Variants in TXNIP observed in about 807,000 individuals in gnomAD.
The protein encoded by TXNIP is thioredoxin interacting protein.
A neutral mutation model predicts 43.9 loss-of-function variants in TXNIP; 23 were observed. The observed-to-expected ratio is 0.52, with a 90% CI of 0.38 to 0.74. The LOEUF is 0.74. Among genes scored for constraint, TXNIP ranks in the 30% least tolerant of loss-of-function variants. TXNIP has a pLI of 0.00. For missense variants in TXNIP, 555 were observed against 485.4 expected (o/e 1.14, Z -1.35); for synonymous variants, 234 against 172.2 (o/e 1.36, Z -2.81).
At chr1:145,993,913 TTCAGG>T in intron 7 of TXNIP, 27 bp from the exon 8 acceptor site, 2 of 1,614,128 alleles carry the variant, frequency 1.2e-6, no homozygotes, top group Non-Finnish European at 1.7e-6. Flanking sequence ...ACTATTTCAG[TTCAGG>T]TAAGAACAAA....
chr1:145,995,621 A>G (rs1288638392), intron 1 of TXNIP, 145 bp from the exon 2 acceptor site: 2 of 777,064 alleles, frequency 2.6e-6, no homozygotes, highest in African/African-American at 1.8e-5. Context: ...TCCATCCCAT[A>G]TTGTTCTTAA....
Position 145,994,362 on chromosome 1 carries a change from T to G in TXNIP, c.907A>C (p.Ser303Arg). ...CTGGCCATGCTGGATGTTCTGCTGC[T>G]TAGACCTGATCTGCTGCCAATTACC... ...PLVIGSRSGLSSRTSSMASRT... is the reference protein window; with the variant it reads ...PLVIGSRSGLRSRTSSMASRT... Residue 303 changes from serine (S) to arginine (R), a missense_variant, in exon 6 of 8, where the codon AGC (serine) becomes CGC (arginine). Ser to Arg is a moderately radical substitution (Grantham distance 110, BLOSUM62 -1). Transcript: ENST00000582401. The G allele has an allele frequency of 1.2e-6, 2 of 1,614,220 alleles. No individual in the cohort carries two copies. Among genetic ancestry groups the G allele is most frequent in the Non-Finnish European group, 1.7e-6 (2 of 1,180,030 alleles).
intron 3 of TXNIP, 28 bp from the exon 4 acceptor site, chr1:145,995,059 T>C (rs1651412260): frequency 6.2e-7 from 1 of 1,613,480 alleles, no homozygotes; most frequent in African/African-American, 1.3e-5. Flanking sequence ...AAAAGGTGTT[T>C]TGAGATGCTT....
chr1:145,996,075 T>A lies in TXNIP; in HGVS notation c.192A>T (p.Lys64Asn). 1 of 1,614,096 alleles carries A rather than the reference T, an allele frequency of 6.2e-7. No homozygotes were observed. Among genetic ancestry groups the A allele is most frequent in the Non-Finnish European group, 8.5e-7 (1 of 1,180,026 alleles). ...VLWMQGSQQC[K>N]QTSEYLRYED... ...CATAGCGCAGGTACTCCGAAGTCTGTTTGCACTGCTGGGATCCCTGCATCC... is the reference window on the plus strand; with the variant it reads ...CATAGCGCAGGTACTCCGAAGTCTGATTGCACTGCTGGGATCCCTGCATCC... The change falls in exon 1 of 8, where the codon AAA becomes AAT. Residue 64 changes from lysine to asparagine, a missense_variant. By Grantham distance (94) the Lys-to-Asn change is moderately conservative. Coordinates refer to ENST00000582401, the MANE Select transcript of TXNIP (RefSeq NM_006472.6).
In TXNIP at chr1:145,995,481, A is replaced by G. The variant is rs782468081; in HGVS notation, c.251-5T>C. The G allele has an allele frequency of 6.2e-7, 1 of 1,614,086 alleles. No homozygotes were observed. The highest frequency in any genetic ancestry group is 8.5e-7 in the Non-Finnish European group (1 of 1,179,938). On this transcript the variant is annotated splice_polypyrimidine_tract_variant and splice_region_variant and intron_variant, in intron 1 of 7. Coordinates refer to ENST00000582401, the MANE Select transcript of TXNIP (RefSeq NM_006472.6). ...TGATCACCATCTCATTCTCACCTGAAGGGAAAGAAAATCGAGTAGCCATTA... is the reference window on the plus strand; with the variant it reads ...TGATCACCATCTCATTCTCACCTGAGGGGAAAGAAAATCGAGTAGCCATTA...
At position 145,993,820 on chromosome 1, in the gene TXNIP, T is replaced by C; in HGVS notation, c.*31A>G. On this transcript the variant is annotated 3_prime_UTR_variant, in exon 8 of 8. Coordinates refer to ENST00000582401, the MANE Select transcript of TXNIP (RefSeq NM_006472.6). ...AGGAAGAGAGACAAAAAGAAACAAGTAGGTAAAGCTGCTTCTTTTCTTCCA... is the reference window on the plus strand; with the variant it reads ...AGGAAGAGAGACAAAAAGAAACAAGCAGGTAAAGCTGCTTCTTTTCTTCCA... The C allele has an allele frequency of 1.2e-6, 2 of 1,613,534 alleles. No homozygotes were observed. Among genetic ancestry groups the C allele is most frequent in the Non-Finnish European group, 1.7e-6 (2 of 1,179,652 alleles).
rs937550222 is a variant in TXNIP at position 145,994,745 on chromosome 1, G to A, written c.630C>T (p.Val210=). Reference sequence around the variant, plus strand: ...GGCGGGCCACAATGGCAGCTTTGGGGACCACAATTCGGGAACATGTATTCT... The same window carrying A: ...GGCGGGCCACAATGGCAGCTTTGGGAACCACAATTCGGGAACATGTATTCT... ...DFENTCSRIV[V]PKAAIVARHT... is the part of the protein sequence containing the mutation. The change falls in exon 5 of 8, where the codon GTC becomes GTT. Residue 210 remains valine (V), a synonymous_variant. Transcript: ENST00000582401. The A allele has an allele frequency of 6.2e-7, 1 of 1,614,218 alleles. No homozygotes were observed. The highest frequency in any genetic ancestry group is 2.2e-5 in the East Asian group (1 of 44,884).
In TXNIP at chr1:145,993,527, C is replaced by G. The variant is rs1651282099; in HGVS notation, c.*324G>C. ...CCTTGAAAAGCTTACGCCAGGAGGC[C>G]ATTTTTACCTGACCCGAAACTATCG... is the stretch of plus-strand genomic sequence containing the variant. On this transcript the variant is annotated 3_prime_UTR_variant, in exon 8 of 8. Transcript: ENST00000582401. 4.3e-6 allele frequency: 1 copy of G among 232,492 alleles called. No homozygotes were observed. Among genetic ancestry groups the G allele is most frequent in the Non-Finnish European group, 8.5e-6 (1 of 117,034 alleles). 14.4% of individuals were successfully genotyped at this position (232,492 alleles called of 1,614,324 possible).
In TXNIP at chr1:145,996,210, C is replaced by T. The variant is rs1553766609; in HGVS notation, c.57G>A (p.Lys19=). Residue 19 remains lysine, a synonymous_variant, in exon 1 of 8, where the codon AAG becomes AAA. Coordinates refer to ENST00000582401, the MANE Select transcript of TXNIP (RefSeq NM_006472.6). ...CCACCTTCTCGCCACTGCCGTACACCTTTTCAGGGTCGTTAAAGACCACCT... is the reference window on the plus strand; with the variant it reads ...CCACCTTCTCGCCACTGCCGTACACTTTTTCAGGGTCGTTAAAGACCACCT... ...SFEVVFNDPE[K]VYGSGEKVAG... The T allele has an allele frequency of 6.2e-7, 1 of 1,614,066 alleles. No homozygotes were observed. The highest frequency in any genetic ancestry group is 1.1e-5 in the South Asian group (1 of 91,084).
chr1:145,994,133 A>G lies in TXNIP; in HGVS notation c.1023T>C (p.Asp341=), dbSNP rs1651331929. 1 of 1,614,194 alleles carries G rather than the reference A, an allele frequency of 6.2e-7. No individual in the cohort carries two copies. Among genetic ancestry groups the G allele is most frequent in the Admixed American group, 1.7e-5 (1 of 60,024 alleles). The stretch of plus-strand genomic sequence containing the variant: ...GAGTGGTTGGGCTCTCCAATCGGTG[A>G]TCTTCAGGAATGACATCCATATAGC... The part of the protein sequence containing the change: ...PPCYMDVIPE[D]HRLESPTTPL... Residue 341 remains aspartate (D), a synonymous_variant, in exon 7 of 8, where the codon GAT becomes GAC. Coordinates refer to ENST00000582401, the MANE Select transcript of TXNIP (RefSeq NM_006472.6).
Position 145,994,325 on chromosome 1 carries a change from G to C in TXNIP, c.944C>G (p.Ser315Cys). ...GTTCAGATCTACCCAACTCATCTCA[G>C]AGCTGGTTCGGCTGGCCATGCTGGA... ...RTSSMASRTS[S>C]EMSWVDLNIP... The change falls in exon 6 of 8, where the codon TCT becomes TGT. Residue 315 changes from serine (S) to cysteine (C), a missense_variant. Transcript: ENST00000582401. 6.2e-7 allele frequency: 1 copy of C among 1,614,194 alleles called. No individual in the cohort carries two copies.
In TXNIP at chr1:145,993,655, G is replaced by T. The variant is rs1279726855; in HGVS notation, c.*196C>A. On this transcript the variant is annotated 3_prime_UTR_variant, in exon 8 of 8. Coordinates refer to ENST00000582401, the MANE Select transcript of TXNIP (RefSeq NM_006472.6). ...CAAACACCCCTGTATCACAACATGG[G>T]CGCTGGCTGAGGATGAGTCCGCATC... The T allele has an allele frequency of 1.7e-6, 1 of 593,356 alleles. No individual in the cohort carries two copies. 36.8% of individuals were successfully genotyped at this position (593,356 alleles called of 1,614,324 possible). A position where few individuals can be genotyped will look rare whatever the true frequency, so the allele number is the denominator to read the frequency against.
At position 145,994,525 on chromosome 1, in the gene TXNIP, C is replaced by G; in HGVS notation, c.831+19G>C. The G allele has an allele frequency of 6.2e-7, 1 of 1,613,852 alleles. No homozygotes were observed. The highest frequency in any genetic ancestry group is 8.5e-7 in the Non-Finnish European group (1 of 1,179,858). ...CAGATGAACAATTTCTCTGCTGAAG[C>G]CACCCTGCATCTACCCACCAGTAAG... is the stretch of plus-strand genomic sequence containing the variant. On this transcript the variant is annotated intron_variant, in intron 5 of 7. Coordinates refer to ENST00000582401, the MANE Select transcript of TXNIP (RefSeq NM_006472.6).
In TXNIP at chr1:145,994,286, G is replaced by A. The variant is rs1303802861; in HGVS notation, c.983C>T (p.Pro328Leu). The A allele has an allele frequency of 6.2e-7, 1 of 1,613,716 alleles. No homozygotes were observed. Among genetic ancestry groups the A allele is most frequent in the South Asian group, 1.1e-5 (1 of 91,048 alleles). The change falls in exon 6 of 8, where the codon CCA becomes CTA. Residue 328 changes from proline to leucine, a missense_variant. Pro to Leu is a moderately conservative substitution (Grantham distance 98, BLOSUM62 -3). Coordinates refer to ENST00000582401, the MANE Select transcript of TXNIP (RefSeq NM_006472.6). ...SWVDLNIPDT[P>L]EAPPCYMDVI... ...AGACATTAGGTCTGGCTCACCTTCT[G>A]GGGTATCAGGGATGTTCAGATCTAC...
At position 145,996,375 on chromosome 1, in the gene TXNIP, G is replaced by T. The variant is rs1651536163; in HGVS notation, c.-109C>A. 1 of 1,286,282 alleles carries T rather than the reference G, an allele frequency of 7.8e-7. No homozygotes were observed. Among genetic ancestry groups the T allele is most frequent in the Admixed American group, 2.3e-5 (1 of 43,472 alleles). The allele number at this position is 1,286,282 out of a possible 1,614,324, so 79.7% of individuals were successfully genotyped here. A position where few individuals can be genotyped will look rare whatever the true frequency, so the allele number is the denominator to read the frequency against. ...AATTATTTCACTTTAAGGAATTAAGGTATTCTTAAGCAGTTTGAGCTTAAA... is the reference window on the plus strand; with the variant it reads ...AATTATTTCACTTTAAGGAATTAAGTTATTCTTAAGCAGTTTGAGCTTAAA... On this transcript the variant is annotated 5_prime_UTR_variant, in exon 1 of 8. Transcript: ENST00000582401.
intron 1 of TXNIP, chr1:145,995,761 CA>C (rs780843794): frequency 1.6e-6 from 1 of 611,582 alleles, no homozygotes; most frequent in Non-Finnish European, 2.9e-6. Flanking sequence ...CTTATGCACA[CA>C]TAAGACTTTA....
rs1481382993 is a variant in TXNIP at position 145,992,979 on chromosome 1, A to G, written c.*872T>C. The G allele has an allele frequency of 6.5e-6, 1 of 152,754 alleles. No homozygotes were observed. The highest frequency in any genetic ancestry group is 1.5e-5 in the Non-Finnish European group (1 of 68,064). 9.5% of individuals were successfully genotyped at this position (152,754 alleles called of 1,614,324 possible). On this transcript the variant is annotated 3_prime_UTR_variant, in exon 8 of 8. Transcript: ENST00000582401. ...TTTTTGTCTTTTGGCTTAACCCTAG[A>G]GACACAGTAGACCAGTTTCAGCTTA...
chr1:145,993,909 T>TCA (rs1651311148), intron 7 of TXNIP, 23 bp from the exon 8 acceptor site: 1 of 1,614,180 alleles, frequency 6.2e-7, no homozygotes, highest in Non-Finnish European at 8.5e-7. Context: ...ACAGACTATT[T>TCA]CAGTTCAGGT....
rs782811782 is a variant in TXNIP at position 145,995,042 on chromosome 1, G to A, written c.472-11C>T. 9 of 1,613,668 alleles carry A rather than the reference G, an allele frequency of 5.6e-6. No individual in the cohort carries two copies. The highest frequency in any genetic ancestry group is 2.2e-5 in the South Asian group (2 of 91,084). ...AGCAGACACAGGTGCCTATATAGAA[G>A]GGGATAAAAAGGTGTTTTGAGATGC... On this transcript the variant is annotated splice_polypyrimidine_tract_variant and intron_variant, in intron 3 of 7. Coordinates refer to ENST00000582401, the MANE Select transcript of TXNIP (RefSeq NM_006472.6).
Sources: allele counts gnomAD v4.1 joint callset, GRCh38; gene constraint gnomAD v4.1.1; transcripts MANE v1.5; gene names NCBI Gene and HGNC (gene_info 2026-07-23, HGNC 2026-07-21).